CARD8: variants seen among roughly 807,000 people sequenced by gnomAD.
CARD8 encodes the protein caspase recruitment domain-containing protein 8.
CARD8 carries 38 observed loss-of-function variants against 53.2 expected under a neutral mutation model. The ratio of observed to expected loss-of-function variants is 0.71; its 90% CI spans 0.55 to 0.94. The LOEUF is 0.94. Ranked by LOEUF, CARD8 falls within the 40% of genes least tolerant of loss-of-function variation. The pLI is 0.00. For missense variants in CARD8, 561 were observed against 655.5 expected, an observed-to-expected ratio of 0.86 and a Z score of 1.57; for synonymous variants, 245 against 244.9, an observed-to-expected ratio of 1.00 and a Z score of 0.00.
At chr19:48,207,193 A>G (rs565574287), downstream of CARD8, among the ~76,000 whole-genome samples, 1 of 151,338 alleles carries the variant, frequency 6.6e-6, no homozygotes, top group East Asian at 1.9e-4. Context: ...AGAAAAGAAA[A>G]AAAAAACCAT....
chr19:48,232,824 A>G (rs1390969330), intron 6 of CARD8: 2 of 496,524 alleles, frequency 4.0e-6, no homozygotes, highest in Non-Finnish European at 7.9e-6. Context: ...GAATGAAGAT[A>G]TTTTTATCCA....
intron 13 of CARD8, among the ~76,000 whole-genome samples, 168 bp from the exon 14 acceptor site, chr19:48,212,143 T>C (rs1366074001): frequency 6.6e-6 from 1 of 152,254 alleles, no homozygotes; most frequent in African/African-American, 2.4e-5. Context: ...ATATACCCTT[T>C]GCAGTATCAA....
At chr19:48,204,206 A>T (rs1248810910), downstream of CARD8, 4 of 455,858 alleles carry the variant, frequency 8.8e-6, no homozygotes, top group Non-Finnish European at 1.8e-5. Flanking sequence ...CTCAGCGCGC[A>T]GGAGGGGGAT....
intron 1 of CARD8, among the ~76,000 whole-genome samples, chr19:48,252,573 C>T (rs1204976987): frequency 2.6e-5 from 4 of 151,226 alleles, no homozygotes; most frequent in East Asian, 1.9e-4. Flanking sequence ...CAGCTCACTG[C>T]GGCCCCCACC....
chr19:48,233,152 G>C (rs1008651979), intron 6 of CARD8: 2 of 354,142 alleles, frequency 5.6e-6, no homozygotes, highest in South Asian at 2.2e-5. Context: ...CCAAAGCATC[G>C]GCGCTTTCAA....
chr19:48,215,240 A>G (rs2145424623), intron 13 of CARD8, 100 bp downstream of exon 13: 2 of 828,614 alleles, frequency 2.4e-6, no homozygotes, highest in East Asian at 5.3e-5. Flanking sequence ...GCTGCCAGTA[A>G]CGTTCTGGTG....
intron 3 of CARD8, among the ~76,000 whole-genome samples, chr19:48,248,748 A>T (rs2046516336): frequency 6.6e-6 from 1 of 152,250 alleles, no homozygotes; most frequent in African/African-American, 2.4e-5. Context: ...TAAAAAGTCC[A>T]TTGTATTATG....
chr19:48,224,020 G>A (rs1291506614), intron 10 of CARD8, among the ~76,000 whole-genome samples: 1 of 152,114 alleles, frequency 6.6e-6, no homozygotes, highest in East Asian at 1.9e-4. Flanking sequence ...GGAGTATAGT[G>A]GTGTGATCTC....
downstream of CARD8, among the ~76,000 whole-genome samples, chr19:48,204,438 G>A (rs2037269360): frequency 6.6e-6 from 1 of 152,204 alleles, no homozygotes; most frequent in East Asian, 1.9e-4. Flanking sequence ...GAGATTTGGG[G>A]AGATCATTGA....
At chr19:48,227,778 G>C (rs1240628700) in intron 10 of CARD8, among the ~76,000 whole-genome samples, 1 of 149,440 alleles carries the variant, frequency 6.7e-6, no homozygotes, top group South Asian at 2.1e-4. Flanking sequence ...ACTCCAGCCT[G>C]GGTGAGAGGG....
intron 3 of CARD8, among the ~76,000 whole-genome samples, chr19:48,245,166 T>A (rs565014726): frequency 5.3e-5 from 8 of 152,184 alleles, no homozygotes; most frequent in African/African-American, 1.4e-4. Flanking sequence ...ACGAATCACC[T>A]GAAATAAGCT....
chr19:48,222,261 T>A (rs898990754), intron 10 of CARD8, among the ~76,000 whole-genome samples: 1 of 152,202 alleles, frequency 6.6e-6, no homozygotes, highest in Non-Finnish European at 1.5e-5. Context: ...AACACGTCTA[T>A]GATGGACAAG....
intron 1 of CARD8, among the ~76,000 whole-genome samples, chr19:48,252,808 T>TATATATATACACAC (rs113740488): frequency 1.2e-3 from 175 of 148,294 alleles, no homozygotes; most frequent in Non-Finnish European, 2.1e-3. Flanking sequence ...TATCAGTATA[T>TATATATATACACAC]ACACACACAC....
intron 10 of CARD8, among the ~76,000 whole-genome samples, chr19:48,222,069 A>G (rs2040762754): frequency 6.6e-6 from 1 of 152,178 alleles, no homozygotes; most frequent in Non-Finnish European, 1.5e-5. Flanking sequence ...TATTGATGAA[A>G]TTTTACTGAA....
At chr19:48,231,517 C>G (rs2042882863) in intron 8 of CARD8, 143 bp downstream of exon 8, 2 of 764,748 alleles carry the variant, frequency 2.6e-6, no homozygotes, top group Admixed American at 2.6e-5. Flanking sequence ...GTTGGCCAGG[C>G]TGGTCTCGAA....
chr19:48,222,768 A>G (rs1402664459), intron 10 of CARD8, among the ~76,000 whole-genome samples: 6 of 152,172 alleles, frequency 3.9e-5, no homozygotes, highest in African/African-American at 1.4e-4. Context: ...TACCTTTGGG[A>G]AGTCTCAGGT....
Position 48,240,969 on chromosome 19 carries a change from G to A in CARD8, c.52C>T (p.Pro18Ser). 6.5e-7 allele frequency: 1 copy of A among 1,535,954 alleles called. No homozygotes were observed. Among genetic ancestry groups the A allele is most frequent in the Non-Finnish European group, 8.7e-7 (1 of 1,146,688 alleles). ...GAGCGCAAAGTCACTCACCGTCTCGGCAGCTCTTCCTCACTGCTGCTACTC... is the reference window on the plus strand; with the variant it reads ...GAGCGCAAAGTCACTCACCGTCTCGACAGCTCTTCCTCACTGCTGCTACTC... ...EKSSSSEEEL[P>S]RRDSGSSRNI... Residue 18 changes from proline to serine, a missense_variant, in exon 4 of 14, where the codon CCG becomes TCG. Pro to Ser is a moderately conservative substitution (Grantham distance 74). Transcript: ENST00000651546.
chr19:48,252,808 T>TATATATATATACAC (rs113740488), intron 1 of CARD8, among the ~76,000 whole-genome samples: 91 of 148,296 alleles, frequency 6.1e-4, no homozygotes, highest in African/African-American at 2.1e-3. Flanking sequence ...TATCAGTATA[T>TATATATATATACAC]ACACACACAC....
At chr19:48,204,243 C>T (rs975150001), downstream of CARD8, 1 of 453,826 alleles carries the variant, frequency 2.2e-6, no homozygotes, top group Non-Finnish European at 4.4e-6. Flanking sequence ...CCACAGTAAC[C>T]CTGGAGTGGA....
Sources: allele counts gnomAD v4.1 joint callset (sites outside exome capture counted in the v4.1 genomes callset), GRCh38; gene constraint gnomAD v4.1.1; transcripts MANE v1.5; gene names NCBI Gene and HGNC (gene_info 2026-07-23, HGNC 2026-07-21).